Variants in GRK3 observed in about 807,000 individuals in gnomAD.
The protein encoded by GRK3 is adrenergic, beta, receptor kinase 2.
In GRK3, 54 loss-of-function variants were observed where a neutral mutation model predicts 95.7. That is an observed-to-expected ratio of 0.56 (90% CI 0.45 to 0.71). GRK3 has a LOEUF of 0.71. Ranked by LOEUF, GRK3 falls within the 30% of genes least tolerant of loss-of-function variation. The pLI, the probability that GRK3 is intolerant of heterozygous loss-of-function variation, is 0.00. For missense variants in GRK3, 649 were observed against 851.2 expected (o/e 0.76, Z 2.96); for synonymous variants, 281 against 290.8 (o/e 0.97, Z 0.34).
Position 25,667,725 on chromosome 22 carries a change from T to C in GRK3, c.442-14T>C, listed in dbSNP as rs758669098. 2.6e-5 allele frequency: 42 copies of C among 1,594,410 alleles called. No individual in the cohort carries two copies. The African/African-American group carries it at 5.5e-4, about 21-fold the overall frequency. ...GATTCATTCACCGTGGAATTTCTTT[T>C]CCATCTCTTCCAGCCATACATAGAA... On this transcript the variant is annotated splice_polypyrimidine_tract_variant and intron_variant, in intron 5 of 20. Transcript: ENST00000324198.
In GRK3 at chr22:25,672,354, A is replaced by G. The variant is rs774153928; in HGVS notation, c.555+7A>G. 7.0e-7 allele frequency: 1 copy of G among 1,422,998 alleles called. No individual in the cohort carries two copies. Among genetic ancestry groups the G allele is most frequent in the Non-Finnish European group, 9.8e-7 (1 of 1,024,574 alleles). 88.1% of individuals were successfully genotyped at this position (1,422,998 alleles called of 1,614,324 possible). On this transcript the variant is annotated splice_region_variant and intron_variant, in intron 7 of 20. Transcript: ENST00000324198. ...CGTTGAATTAAATATCCATGTGAGT[A>G]TCATCTTTTTCTTTTTTCATTTTTT...
intron 18 of GRK3, among the ~76,000 whole-genome samples, chr22:25,714,850 C>T (rs564100033): frequency 6.6e-6 from 1 of 152,124 alleles, no homozygotes; most frequent in East Asian, 1.9e-4. Context: ...TTTTTCCTTC[C>T]AGATTGAGTA....
rs894878286 is a variant in GRK3, at chr22:25,728,731, A to C, written c.*6281A>C. ...GACTTTTTCCCCCCTTCACTATTTC[A>C]AAATGGTTTTGAAATGGGGTCTTAA... On this transcript the variant is annotated 3_prime_UTR_variant, in exon 21 of 21. Transcript: ENST00000324198. 1 of 152,166 alleles carries C rather than the reference A, an allele frequency of 6.6e-6. No homozygotes were observed. Among genetic ancestry groups the C allele is most frequent in the African/African-American group, 2.4e-5 (1 of 41,438 alleles). 9.4% of individuals were successfully genotyped at this position (152,166 alleles called of 1,614,324 possible). A position where few individuals can be genotyped will look rare whatever the true frequency, so the allele number is the denominator to read the frequency against.
chr22:25,639,123 T>C (rs1276966972), intron 2 of GRK3, among the ~76,000 whole-genome samples: 1 of 152,238 alleles, frequency 6.6e-6, no homozygotes, highest in Non-Finnish European at 1.5e-5. Flanking sequence ...GCATTTTTTC[T>C]AACTTAGGTT....
At position 25,704,165 on chromosome 22, in the gene GRK3, G is replaced by C; in HGVS notation, c.1284G>C (p.Leu428Phe). The part of the protein sequence containing the change: ...SPELKSLLEG[L>F]LQRDVSKRLG... ...AACTGAAGTCCCTTTTGGAGGGCTT[G>C]CTTCAGCGAGACGTTAGCAAGCGGC... Residue 428 changes from leucine (L) to phenylalanine (F), a missense_variant, in exon 15 of 21, where the codon TTG becomes TTC. Physicochemically the swap from Leu to Phe is conservative, Grantham distance 22 (BLOSUM62 0). This residue lies in a region of GRK3 where 382 missense variants were observed against 493.8 expected (regional missense o/e 0.77). Coordinates refer to ENST00000324198, the MANE Select transcript of GRK3 (RefSeq NM_005160.4). 2 of 1,613,770 alleles carry C rather than the reference G, an allele frequency of 1.2e-6. No individual in the cohort carries two copies. The highest frequency in any genetic ancestry group is 2.2e-5 in the East Asian group (1 of 44,866).
chr22:25,668,835 T>C (rs894973314), intron 6 of GRK3, among the ~76,000 whole-genome samples: 3 of 152,134 alleles, frequency 2.0e-5, no homozygotes, highest in African/African-American at 4.8e-5. Context: ...GGGAAGGTAA[T>C]TGAAAGTGGG....
intron 12 of GRK3, among the ~76,000 whole-genome samples, chr22:25,692,717 G>A (rs946289260): frequency 4.6e-5 from 7 of 152,230 alleles, no homozygotes; most frequent in Non-Finnish European, 4.4e-5. Context: ...TGGAAATTGA[G>A]GTTCAGAGAA....
At position 25,633,683 on chromosome 22, in the gene GRK3, C is replaced by T. The variant is rs192571168; in HGVS notation, c.191-10909C>T. ...ATACATCTATTTAATTAATTTAGTT[C>T]TCAAGCAAATTATAATATAGGGCAC... On this transcript the variant is annotated intron_variant, in intron 2 of 20. Transcript: ENST00000324198. 1.5e-3 allele frequency among the ~76,000 whole-genome samples: 232 copies of T among 151,786 alleles called. 3 individuals are homozygous for T. The highest frequency in any genetic ancestry group is 5.0e-3 in the African/African-American group (207 of 41,310).
chr22:25,679,607 G>T (rs985031028), intron 9 of GRK3, among the ~76,000 whole-genome samples: 3 of 152,126 alleles, frequency 2.0e-5, no homozygotes, highest in Non-Finnish European at 4.4e-5. Flanking sequence ...GCTTTTATGT[G>T]TCTGTACAGA....
chr22:25,639,889 TTTG>T (rs1343782360), intron 2 of GRK3, among the ~76,000 whole-genome samples: 1 of 152,198 alleles, frequency 6.6e-6, no homozygotes, highest in Non-Finnish European at 1.5e-5. Flanking sequence ...ATGTCATTTA[TTTG>T]TTTATTCCTA....
chr22:25,687,674 A>G lies in GRK3; in HGVS notation c.957+7A>G. 6.2e-7 allele frequency: 1 copy of G among 1,614,068 alleles called. No individual in the cohort carries two copies. Among genetic ancestry groups the G allele is most frequent in the South Asian group, 1.1e-5 (1 of 91,068 alleles). On this transcript the variant is annotated splice_region_variant and intron_variant, in intron 11 of 20. Coordinates refer to ENST00000324198, the MANE Select transcript of GRK3 (RefSeq NM_005160.4). The stretch of plus-strand genomic sequence containing the variant: ...TGTCTACAGAGATTTGAAGGTGAGG[A>G]CGATTGACAGACTCATTCTGCATAG...
At chr22:25,692,747 G>C (rs532946585) in intron 12 of GRK3, among the ~76,000 whole-genome samples, 1 of 152,248 alleles carries the variant, frequency 6.6e-6, no homozygotes, top group Non-Finnish European at 1.5e-5. Flanking sequence ...CTTGAACCAG[G>C]TCACATGGCT....
In GRK3 at chr22:25,672,323, GA is replaced by G; in HGVS notation, c.536del (p.Asn179ThrfsTer4). On this transcript the variant is annotated frameshift_variant, in exon 7 of 21. Coordinates refer to ENST00000324198, the MANE Select transcript of GRK3 (RefSeq NM_005160.4). LOFTEE classifies it high-confidence loss of function. ...ACAAGTTCACTAGATTTTGTCAGTGGAAAAACGTTGAATTAAATATCCATGT... is the reference window on the plus strand; with the variant it reads ...ACAAGTTCACTAGATTTTGTCAGTGGAAAACGTTGAATTAAATATCCATGT... ...SDKFTRFCQW[K>X]NVELNIHLTM... 2.7e-6 allele frequency: 4 copies of G among 1,476,952 alleles called. No homozygotes were observed. The highest frequency in any genetic ancestry group is 1.4e-5 in the African/African-American group (1 of 71,780). The allele number at this position is 1,476,952 out of a possible 1,614,324, so 91.5% of individuals were successfully genotyped here.
intron 2 of GRK3, among the ~76,000 whole-genome samples, chr22:25,617,683 G>A (rs950114545): frequency 2.6e-5 from 4 of 152,160 alleles, no homozygotes; most frequent in Non-Finnish European, 5.9e-5. Flanking sequence ...TCATATAAAT[G>A]GATTCAAACA....
intron 1 of GRK3, among the ~76,000 whole-genome samples, chr22:25,571,732 A>G (rs1931705709): frequency 6.6e-6 from 1 of 152,096 alleles, no homozygotes; most frequent in Non-Finnish European, 1.5e-5. Context: ...AACAGAGAAG[A>G]GCAATTGTTG....
intron 12 of GRK3, 31 bp downstream of exon 12, chr22:25,690,314 C>A (rs375839587): frequency 5.3e-6 from 8 of 1,498,434 alleles, no homozygotes; most frequent in South Asian, 1.1e-5. Context: ...AGTTCACCAC[C>A]ATTTCTCTCC....
In GRK3 at chr22:25,617,926, G is replaced by A. The variant is rs147567473; in HGVS notation, c.190+13473G>A. Among the ~76,000 whole-genome samples the A allele has an allele frequency of 1.5e-3, 231 of 152,238 alleles. 2 individuals carry two copies. The highest frequency in any genetic ancestry group is 5.2e-3 in the African/African-American group (218 of 41,548). On this transcript the variant is annotated intron_variant, in intron 2 of 20. Transcript: ENST00000324198. ...TGAGTAGCTGGGACTACAGGCACTT[G>A]CCACCACGCCTGGCTAATGTATTTT...
At chr22:25,702,878 C>T (rs552776420) in intron 13 of GRK3, 13 of 456,056 alleles carry the variant, frequency 2.9e-5, no homozygotes, top group African/African-American at 6.0e-5. Flanking sequence ...ATGTGGCTGA[C>T]AGTCACTAAA....
chr22:25,715,890 T>C (rs1290257060), intron 18 of GRK3, among the ~76,000 whole-genome samples: 1 of 152,234 alleles, frequency 6.6e-6, no homozygotes, highest in Non-Finnish European at 1.5e-5. Context: ...GATGACTTAC[T>C]CTTTATATAA....
Sources: allele counts gnomAD v4.1 joint callset (sites outside exome capture counted in the v4.1 genomes callset), GRCh38; gene constraint gnomAD v4.1.1; regional missense constraint gnomAD v4.1.1; transcripts MANE v1.5; gene names NCBI Gene and HGNC (gene_info 2026-07-23, HGNC 2026-07-21).